The following RBFOX3 variants were observed in gnomAD, a reference collection of about 807,000 sequenced individuals.
RBFOX3 encodes the protein RNA binding fox-1 homolog 3.
Under a neutral mutation model 48.7 loss-of-function variants are expected in RBFOX3, and 17 were observed. That is an observed-to-expected ratio of 0.35 (90% confidence interval 0.24 to 0.52). The LOEUF (loss-of-function observed/expected upper bound fraction) is 0.52, where lower values mean the gene tolerates loss of function less well. RBFOX3 is among the 20% of genes least tolerant of loss of function. The pLI, the probability that RBFOX3 is intolerant of heterozygous loss-of-function variation, is 0.94. For missense variants in RBFOX3, 382 were observed against 497.5 expected (o/e 0.77, Z 2.21); for synonymous variants, 212 against 209.5 (o/e 1.01, Z -0.10).
chr17:79,302,260 A>G (rs1383633430), intron 3 of RBFOX3, among the ~76,000 whole-genome samples: 1 of 152,184 alleles, frequency 6.6e-6, no homozygotes, highest in Non-Finnish European at 1.5e-5. Context: ...GAAGCATATT[A>G]TTGTCCCATT....
At chr17:79,551,219 A>C (rs1269973144) in intron 1 of RBFOX3, among the ~76,000 whole-genome samples, 1 of 152,154 alleles carries the variant, frequency 6.6e-6, no homozygotes, top group African/African-American at 2.4e-5. Flanking sequence ...GCTGACACCA[A>C]CATGAGCAGG....
At chr17:79,356,043 C>T (rs1173026579) in intron 2 of RBFOX3, among the ~76,000 whole-genome samples, 1 of 152,206 alleles carries the variant, frequency 6.6e-6, no homozygotes, top group Non-Finnish European at 1.5e-5. Flanking sequence ...AAACTCTTTC[C>T]CCTCTCCTGA....
At chr17:79,662,132 C>CTTTTTTTTTTTTTTTTTTTTTTTTTTTT in the RBFOX3 span, among the ~76,000 whole-genome samples, 5 of 96,856 alleles carry the variant, frequency 5.2e-5, 2 homozygotes, top group African/African-American at 1.2e-4. Flanking sequence ...CCTGTTTATT[C>CTTTTTTTTTTTTTTTTTTTTTTTTTTTT]TTTTTTTTTT....
At chr17:79,420,128 T>TACACAC (rs58282867) in intron 2 of RBFOX3, among the ~76,000 whole-genome samples, 17,144 of 113,228 alleles carry the variant, frequency 0.15, 1,464 homozygotes, top group Middle Eastern at 0.21. Context: ...CTCCGTCTCA[T>TACACAC]ACACACACAC....
chr17:79,372,921 AG>A (rs1360999900), intron 2 of RBFOX3, among the ~76,000 whole-genome samples: 1 of 152,208 alleles, frequency 6.6e-6, no homozygotes, highest in Non-Finnish European at 1.5e-5. Context: ...AGAGCAAGAC[AG>A]GGCAGAAGGT....
chr17:79,336,152 C>G (rs929053070), intron 2 of RBFOX3, among the ~76,000 whole-genome samples: 1 of 152,014 alleles, frequency 6.6e-6, no homozygotes, highest in Admixed American at 6.6e-5. Context: ...TTTGAGAGGC[C>G]AAGGTGAGTG....
At chr17:79,515,277 T>C (rs1217898130) in intron 1 of RBFOX3, among the ~76,000 whole-genome samples, 1 of 152,150 alleles carries the variant, frequency 6.6e-6, no homozygotes, top group African/African-American at 2.4e-5. Flanking sequence ...GGTCACCTCA[T>C]AGCTGGGGCC....
chr17:79,200,966 C>T (rs1028391756), intron 4 of RBFOX3, among the ~76,000 whole-genome samples: 8 of 152,162 alleles, frequency 5.3e-5, no homozygotes, highest in Non-Finnish European at 1.0e-4. Context: ...TGAGCCTGTC[C>T]CTCCCAGCCC....
intron 2 of RBFOX3, among the ~76,000 whole-genome samples, chr17:79,374,168 A>G (rs752311245): frequency 1.3e-5 from 2 of 152,146 alleles, no homozygotes; most frequent in Non-Finnish European, 2.9e-5. Flanking sequence ...TGGCTTTGTG[A>G]TGAGTTTTCT....
At chr17:79,306,290 C>T (rs941248985) in intron 3 of RBFOX3, among the ~76,000 whole-genome samples, 7 of 152,256 alleles carry the variant, frequency 4.6e-5, no homozygotes, top group East Asian at 1.9e-4. Flanking sequence ...GACATCTCCC[C>T]GGCCCACGGC....
chr17:79,327,470 C>T (rs1196665304), intron 2 of RBFOX3, among the ~76,000 whole-genome samples: 1 of 152,248 alleles, frequency 6.6e-6, no homozygotes, highest in Non-Finnish European at 1.5e-5. Flanking sequence ...TCCAGCTCAG[C>T]AGCAGCGACC....
intron 11 of RBFOX3, 34 bp downstream of exon 11, chr17:79,097,258 C>A (rs1488433888): frequency 1.3e-6 from 2 of 1,515,618 alleles, no homozygotes; most frequent in Admixed American, 2.0e-5. Context: ...CGTCCTACCC[C>A]CTCCTCCACG....
chr17:79,355,870 C>T (rs1210625018), intron 2 of RBFOX3, among the ~76,000 whole-genome samples: 4 of 152,178 alleles, frequency 2.6e-5, no homozygotes, highest in African/African-American at 7.2e-5. Context: ...CGTGAACCAC[C>T]GTGCCTGGCC....
chr17:79,306,789 C>T (rs149232594), intron 3 of RBFOX3, among the ~76,000 whole-genome samples: 15 of 152,356 alleles, frequency 9.8e-5, no homozygotes, highest in Non-Finnish European at 2.1e-4. Flanking sequence ...CTCCTCCACC[C>T]CCAGCTCCAC....
At chr17:79,628,254 C>A in the RBFOX3 span, among the ~76,000 whole-genome samples, 3 of 152,132 alleles carry the variant, frequency 2.0e-5, no homozygotes, top group Non-Finnish European at 4.4e-5. Context: ...GTTCCCCACC[C>A]CAAACAAGGA....
chr17:79,093,097 G>A (rs979676171), intron 14 of RBFOX3, among the ~76,000 whole-genome samples: 26 of 152,220 alleles, frequency 1.7e-4, no homozygotes, highest in African/African-American at 6.0e-4. Flanking sequence ...GCTACGCTGG[G>A]AGAGGCAAGC....
At chr17:79,319,496 C>A (rs1012317800) in intron 2 of RBFOX3, among the ~76,000 whole-genome samples, 3 of 151,772 alleles carry the variant, frequency 2.0e-5, no homozygotes, top group Non-Finnish European at 4.4e-5. Flanking sequence ...GCAGCCTGGG[C>A]AGATTGGTCT....
chr17:79,302,541 C>T (rs954720189), intron 3 of RBFOX3, among the ~76,000 whole-genome samples: 33 of 152,072 alleles, frequency 2.2e-4, no homozygotes, highest in Middle Eastern at 3.2e-3. Context: ...ATTAGCTGGG[C>T]GTGGTGGCAG....
chr17:79,532,406 AGAG>A (rs1273512530), intron 1 of RBFOX3, among the ~76,000 whole-genome samples: 1 of 152,222 alleles, frequency 6.6e-6, no homozygotes, highest in Non-Finnish European at 1.5e-5. Context: ...GGATTGGGAC[AGAG>A]GAGGAACCAG....
Sources: allele counts gnomAD v4.1 joint callset (sites outside exome capture counted in the v4.1 genomes callset), GRCh38; gene constraint gnomAD v4.1.1; transcripts MANE v1.5; gene names NCBI Gene and HGNC (gene_info 2026-07-23, HGNC 2026-07-21).